Variants in PLEKHA3 observed in about 807,000 individuals in gnomAD.
The protein encoded by PLEKHA3 is pleckstrin homology domain containing A3.
PLEKHA3 carries 19 observed loss-of-function variants against 39.2 expected under a neutral mutation model. The ratio of observed to expected loss-of-function variants is 0.48; its 90% CI spans 0.34 to 0.71. The LOEUF is 0.71. PLEKHA3 is among the 30% of genes least tolerant of loss of function. The pLI is 0.01. For missense variants in PLEKHA3, 253 were observed against 359.5 expected (o/e 0.70, Z 2.40); for synonymous variants, 97 against 118.6 (o/e 0.82, Z 1.18).
At position 178,510,792 on chromosome 2, in the gene PLEKHA3, T is replaced by G. The variant is rs1254021313; in HGVS notation, c.*6905T>G. 6.6e-6 allele frequency: 1 copy of G among 152,418 alleles called. No individual in the cohort carries two copies. The highest frequency in any genetic ancestry group is 1.5e-5 in the Non-Finnish European group (1 of 68,030). The allele number at this position is 152,418 out of a possible 1,614,324, so 9.4% of individuals were successfully genotyped here. A position where few individuals can be genotyped will look rare whatever the true frequency, so the allele number is the denominator to read the frequency against. ...ACCTCTTGTAAATAGTTGTACACCT[T>G]TCAGAAAATGTTGTGGACTTACATA... On this transcript the variant is annotated 3_prime_UTR_variant, in exon 8 of 8. Transcript: ENST00000234453.
In PLEKHA3 at chr2:178,511,777, G is replaced by A. The variant is rs1215002188; in HGVS notation, c.*7890G>A. The A allele has an allele frequency of 6.6e-6, 1 of 151,274 alleles. No individual in the cohort carries two copies. Among genetic ancestry groups the A allele is most frequent in the Non-Finnish European group, 1.5e-5 (1 of 67,996 alleles). The allele number at this position is 151,274 out of a possible 1,614,324, so 9.4% of individuals were successfully genotyped here. On this transcript the variant is annotated 3_prime_UTR_variant, in exon 8 of 8. Coordinates refer to ENST00000234453, the MANE Select transcript of PLEKHA3 (RefSeq NM_019091.4). ...AGGAGATCCGCCTGCCTCAGCCTCT[G>A]AAAGTGCTGGGATTACAGGCGGGAG...
Position 178,508,672 on chromosome 2 carries a change from A to G in PLEKHA3, c.*4785A>G, listed in dbSNP as rs766677300. The stretch of plus-strand genomic sequence containing the variant: ...CTCTTTGGGGCCAGTTTCTCTAGAA[A>G]ACTGGGTCCTGATAGTAGGGTAAGA... On this transcript the variant is annotated 3_prime_UTR_variant, in exon 8 of 8. Transcript: ENST00000234453. 6.5e-6 allele frequency: 1 copy of G among 153,700 alleles called. No individual in the cohort carries two copies. Among genetic ancestry groups the G allele is most frequent in the Non-Finnish European group, 1.5e-5 (1 of 68,028 alleles). 9.5% of individuals were successfully genotyped at this position (153,700 alleles called of 1,614,324 possible).
At chr2:178,490,898 G>A in intron 3 of PLEKHA3, 84 bp downstream of exon 3, 3 of 1,049,176 alleles carry the variant, frequency 2.9e-6, no homozygotes, top group Non-Finnish European at 4.0e-6. Context: ...TCCACTTTTA[G>A]TATCTATCCC....
At chr2:178,501,916 C>T (rs56367852) in intron 7 of PLEKHA3, among the ~76,000 whole-genome samples, 3,351 of 151,976 alleles carry the variant, frequency 0.022, 64 homozygotes, top group East Asian at 0.04. Context: ...AGGAACAGGT[C>T]GTGTTCCAAT....
rs879376666 is a variant in PLEKHA3 at position 178,512,903 on chromosome 2, C to T, written c.*9016C>T. On this transcript the variant is annotated 3_prime_UTR_variant, in exon 8 of 8. Coordinates refer to ENST00000234453, the MANE Select transcript of PLEKHA3 (RefSeq NM_019091.4). ...AAAATTCACCTTGACACTCCATCCC[C>T]TAGAGGTAACCATTCTTTTCTAGTA... 2 of 153,756 alleles carry T rather than the reference C, an allele frequency of 1.3e-5. No individual in the cohort carries two copies. Among genetic ancestry groups the T allele is most frequent in the Admixed American group, 6.5e-5 (1 of 15,280 alleles). 9.5% of individuals were successfully genotyped at this position (153,756 alleles called of 1,614,324 possible).
intron 2 of PLEKHA3, among the ~76,000 whole-genome samples, chr2:178,490,010 C>T (rs958301077): frequency 1.3e-5 from 2 of 152,176 alleles, no homozygotes; most frequent in Non-Finnish European, 2.9e-5. Flanking sequence ...TGAATGACAG[C>T]TTAACACAAA....
chr2:178,509,835 G>A lies in PLEKHA3; in HGVS notation c.*5948G>A, dbSNP rs954125369. 6.6e-6 allele frequency: 1 copy of A among 151,998 alleles called. No homozygotes were observed. Among genetic ancestry groups the A allele is most frequent in the Non-Finnish European group, 1.5e-5 (1 of 68,024 alleles). 9.4% of individuals were successfully genotyped at this position (151,998 alleles called of 1,614,324 possible). On this transcript the variant is annotated 3_prime_UTR_variant, in exon 8 of 8. Coordinates refer to ENST00000234453, the MANE Select transcript of PLEKHA3 (RefSeq NM_019091.4). Reference sequence around the variant, plus strand: ...CTTGAGTGAAAATGTTTCACCATAGGAAGAATTACTAATATATGGGAAAAT... The same window carrying A: ...CTTGAGTGAAAATGTTTCACCATAGAAAGAATTACTAATATATGGGAAAAT...
chr2:178,514,431 A>G lies in PLEKHA3; in HGVS notation c.*10544A>G, dbSNP rs1384975176. On this transcript the variant is annotated 3_prime_UTR_variant, in exon 8 of 8. Transcript: ENST00000234453. ...TAGATTATATATATCTTTACTCACA[A>G]TAAGCAAAGTTGAACAACTTAAAAT... The G allele has an allele frequency of 6.6e-6, 1 of 152,056 alleles. No individual in the cohort carries two copies. Among genetic ancestry groups the G allele is most frequent in the East Asian group, 1.9e-4 (1 of 5,188 alleles). 9.4% of individuals were successfully genotyped at this position (152,056 alleles called of 1,614,324 possible). A position where few individuals can be genotyped will look rare whatever the true frequency, so the allele number is the denominator to read the frequency against.
intron 2 of PLEKHA3, among the ~76,000 whole-genome samples, chr2:178,489,587 A>G (rs1293467111): frequency 6.7e-6 from 1 of 150,136 alleles, no homozygotes; most frequent in Non-Finnish European, 1.5e-5. Flanking sequence ...CCGCCTCCCA[A>G]GTTGCTGGGT....
intron 5 of PLEKHA3, among the ~76,000 whole-genome samples, chr2:178,496,544 A>C (rs1169034205): frequency 6.6e-6 from 1 of 152,152 alleles, no homozygotes; most frequent in Admixed American, 6.5e-5. Context: ...TATTGCCTAG[A>C]TTTATTTAGA....
In PLEKHA3 at chr2:178,481,844, G is replaced by T. The variant is rs551445028; in HGVS notation, c.40+935G>T. ...ATTTGAACAGTAAACAGATTTTTTG[G>T]GGGGGGGGGGTCTAGCATAATAGGC... On this transcript the variant is annotated intron_variant, in intron 1 of 7. Transcript: ENST00000234453. 0.017 allele frequency: 1,365 copies of T among 82,488 alleles called. 35 individuals carry two copies. The East Asian group carries it at 0.28, about 17-fold the overall frequency. 5.1% of individuals were successfully genotyped at this position (82,488 alleles called of 1,614,324 possible).
chr2:178,502,144 AG>A (rs1464463665), intron 7 of PLEKHA3, among the ~76,000 whole-genome samples: 9 of 151,950 alleles, frequency 5.9e-5, no homozygotes, highest in Non-Finnish European at 1.0e-4. Flanking sequence ...TTATGTAACC[AG>A]AAAGTTAAAC....
At chr2:178,493,115 C>T (rs60488846) in intron 3 of PLEKHA3, among the ~76,000 whole-genome samples, 26,305 of 152,082 alleles carry the variant, frequency 0.17, 2,980 homozygotes, top group East Asian at 0.62. Context: ...GAAATTTACT[C>T]TATGAATTTT....
chr2:178,498,756 A>C (rs967649990), intron 5 of PLEKHA3, among the ~76,000 whole-genome samples: 3 of 152,108 alleles, frequency 2.0e-5, no homozygotes, highest in East Asian at 3.8e-4. Context: ...TATATCAGCT[A>C]CCTAAATAAT....
intron 1 of PLEKHA3, among the ~76,000 whole-genome samples, chr2:178,482,302 G>A (rs1685179544): frequency 6.6e-6 from 1 of 151,880 alleles, no homozygotes; most frequent in South Asian, 2.1e-4. Flanking sequence ...TTTGGGAGGC[G>A]GAGGTGGGAG....
At position 178,514,432 on chromosome 2, in the gene PLEKHA3, T is replaced by C. The variant is rs1685731201; in HGVS notation, c.*10545T>C. ...AGATTATATATATCTTTACTCACAA[T>C]AAGCAAAGTTGAACAACTTAAAATT... On this transcript the variant is annotated 3_prime_UTR_variant, in exon 8 of 8. Coordinates refer to ENST00000234453, the MANE Select transcript of PLEKHA3 (RefSeq NM_019091.4). 6.6e-6 allele frequency: 1 copy of C among 152,056 alleles called. No individual in the cohort carries two copies. The highest frequency in any genetic ancestry group is 1.5e-5 in the Non-Finnish European group (1 of 67,998). The allele number at this position is 152,056 out of a possible 1,614,324, so 9.4% of individuals were successfully genotyped here.
In PLEKHA3 at chr2:178,515,637, A is replaced by G. The variant is rs917884339; in HGVS notation, c.*11750A>G. 1 of 152,128 alleles carries G rather than the reference A, an allele frequency of 6.6e-6. No individual in the cohort carries two copies. The highest frequency in any genetic ancestry group is 1.5e-5 in the Non-Finnish European group (1 of 67,996). 9.4% of individuals were successfully genotyped at this position (152,128 alleles called of 1,614,324 possible). ...TTTACCTCTTTTAAAAAATTTCTTC[A>G]GTTAATATTCATTGACCACTCACTA... On this transcript the variant is annotated 3_prime_UTR_variant, in exon 8 of 8. Coordinates refer to ENST00000234453, the MANE Select transcript of PLEKHA3 (RefSeq NM_019091.4).
At chr2:178,485,332 A>C (rs1685232184) in intron 1 of PLEKHA3, among the ~76,000 whole-genome samples, 1 of 152,196 alleles carries the variant, frequency 6.6e-6, no homozygotes, top group Admixed American at 6.5e-5. Context: ...CAGTTATGCT[A>C]TACCCGGTTT....
At chr2:178,492,857 C>T (rs1363117826) in intron 3 of PLEKHA3, among the ~76,000 whole-genome samples, 2 of 152,104 alleles carry the variant, frequency 1.3e-5, no homozygotes, top group Admixed American at 1.3e-4. Flanking sequence ...TACGAATGTA[C>T]TTAATGGCAC....
Sources: allele counts gnomAD v4.1 joint callset (sites outside exome capture counted in the v4.1 genomes callset), GRCh38; gene constraint gnomAD v4.1.1; transcripts MANE v1.5; gene names NCBI Gene and HGNC (gene_info 2026-07-23, HGNC 2026-07-21).